Variants in PACS1 observed in about 807,000 individuals in gnomAD.
PACS1 encodes phosphofurin acidic cluster sorting protein 1.
A neutral mutation model predicts 115.0 loss-of-function variants in PACS1; 24 were observed. The observed-to-expected ratio is 0.21, with a 90% CI of 0.15 to 0.29. The LOEUF is 0.29. Among genes scored for constraint, PACS1 ranks in the 10% least tolerant of loss-of-function variants. PACS1 has a pLI of 1.00. For missense variants in PACS1, 838 were observed against 1,251.2 expected (o/e 0.67, Z 4.98); for synonymous variants, 453 against 504.5 (o/e 0.90, Z 1.37).
At chr11:66,155,249 G>A (rs754658206) in intron 1 of PACS1, among the ~76,000 whole-genome samples, 1 of 152,124 alleles carries the variant, frequency 6.6e-6, no homozygotes, top group South Asian at 2.1e-4. Context: ...GATACAAAAA[G>A]CACATACCAT....
At chr11:66,202,038 T>C (rs1854812163) in intron 2 of PACS1, among the ~76,000 whole-genome samples, 1 of 151,798 alleles carries the variant, frequency 6.6e-6, no homozygotes, top group Non-Finnish European at 1.5e-5. Flanking sequence ...CACAAATAAA[T>C]CAGAGATGAA....
intron 2 of PACS1, among the ~76,000 whole-genome samples, 158 bp downstream of exon 2, chr11:66,193,731 C>T (rs1854584514): frequency 6.6e-6 from 1 of 152,230 alleles, no homozygotes; most frequent in Non-Finnish European, 1.5e-5. Flanking sequence ...ACAGGACCTT[C>T]TGAGCCCAGC....
intron 1 of PACS1, among the ~76,000 whole-genome samples, chr11:66,118,078 C>G (rs752986279): frequency 6.6e-6 from 1 of 152,136 alleles, no homozygotes; most frequent in Non-Finnish European, 1.5e-5. Flanking sequence ...TCATTTTAAA[C>G]GTATGTTTGG....
intron 7 of PACS1, among the ~76,000 whole-genome samples, chr11:66,218,938 T>TG (rs1483647249): frequency 1.3e-5 from 2 of 150,854 alleles, no homozygotes; most frequent in Admixed American, 6.6e-5. Flanking sequence ...CACTTGACTA[T>TG]GGGGTGTGAA....
chr11:66,178,820 T>TG (rs1859937308), intron 1 of PACS1, among the ~76,000 whole-genome samples: 1 of 152,200 alleles, frequency 6.6e-6, no homozygotes, highest in Admixed American at 6.5e-5. Context: ...AACCTCACTA[T>TG]ACTTGAGAGA....
intron 1 of PACS1, among the ~76,000 whole-genome samples, chr11:66,080,616 G>A (rs1277140577): frequency 6.6e-6 from 1 of 152,212 alleles, no homozygotes; most frequent in Non-Finnish European, 1.5e-5. Flanking sequence ...AGACTACACA[G>A]TTTAAAAGTG....
At chr11:66,085,344 G>A (rs1857547800) in intron 1 of PACS1, among the ~76,000 whole-genome samples, 1 of 152,096 alleles carries the variant, frequency 6.6e-6, no homozygotes. Flanking sequence ...AAAGAGAACA[G>A]AAAAATAATG....
chr11:66,154,595 T>G (rs1859312816), intron 1 of PACS1, among the ~76,000 whole-genome samples: 2 of 152,146 alleles, frequency 1.3e-5, no homozygotes, highest in Admixed American at 1.3e-4. Context: ...AAAAAAAATT[T>G]TAAGTATAGT....
rs1855645600 is a variant in PACS1, at chr11:66,233,637, C to T, written c.1839-148C>T. 1 of 713,450 alleles carries T rather than the reference C, an allele frequency of 1.4e-6. No individual in the cohort carries two copies. The highest frequency in any genetic ancestry group is 1.8e-5 in the African/African-American group (1 of 55,710). The allele number at this position is 713,450 out of a possible 1,614,324, so 44.2% of individuals were successfully genotyped here. ...GGTTGTGAAAGCACTGTGGCTTATTCCCTGTATGATCCTCTCTGTTTTATT... is the reference window on the plus strand; with the variant it reads ...GGTTGTGAAAGCACTGTGGCTTATTTCCTGTATGATCCTCTCTGTTTTATT... On this transcript the variant is annotated intron_variant, in intron 15 of 23. Coordinates refer to ENST00000320580, the MANE Select transcript of PACS1 (RefSeq NM_018026.4). The surrounding 1 kb of genome is among the most constrained non-coding windows in gnomAD (Gnocchi z 4.5).
chr11:66,236,080 A>G lies in PACS1; in HGVS notation c.2250+140A>G. ...ATTTTGCCTCCAGGGACTACCTGGC[A>G]GTGTCTGGAGACGTGTTTGGTTGTT... On this transcript the variant is annotated intron_variant, in intron 19 of 23. Transcript: ENST00000320580. The surrounding 1 kb of genome is among the most constrained non-coding windows in gnomAD (Gnocchi z 4.2). 6 of 803,930 alleles carry G rather than the reference A, an allele frequency of 7.5e-6. No individual in the cohort carries two copies. The highest frequency in any genetic ancestry group is 1.3e-5 in the Non-Finnish European group (6 of 453,300). 49.8% of individuals were successfully genotyped at this position (803,930 alleles called of 1,614,324 possible).
At chr11:66,147,582 A>G (rs534477992) in intron 1 of PACS1, among the ~76,000 whole-genome samples, 1 of 152,374 alleles carries the variant, frequency 6.6e-6, no homozygotes, top group East Asian at 1.9e-4. Flanking sequence ...GTAGGTAAAC[A>G]TAAGAAATTT....
Position 66,211,208 on chromosome 11 carries a change from G to A in PACS1, c.609G>A (p.Arg203=), listed in dbSNP as rs1244208560. The A allele has an allele frequency of 1.2e-6, 2 of 1,613,650 alleles. No homozygotes were observed. Among genetic ancestry groups the A allele is most frequent in the East Asian group, 4.5e-5 (2 of 44,896 alleles). ...AAAGGAGAAAACGTTACAAGAATCG[G>A]ACCATCTTGGGCTATAAGACCTTGG... The part of the protein sequence containing the change: ...MLQRRKRYKN[R]TILGYKTLAV... Residue 203 remains arginine, a synonymous_variant, in exon 4 of 24, where the codon CGG becomes CGA. Coordinates refer to ENST00000320580, the MANE Select transcript of PACS1 (RefSeq NM_018026.4).
chr11:66,110,256 A>T (rs1858157355), intron 1 of PACS1, among the ~76,000 whole-genome samples: 1 of 152,134 alleles, frequency 6.6e-6, no homozygotes, highest in African/African-American at 2.4e-5. Flanking sequence ...ACCCTTTGAT[A>T]AACTACCAAC....
chr11:66,142,463 G>A (rs1272135436), intron 1 of PACS1, among the ~76,000 whole-genome samples: 3 of 151,630 alleles, frequency 2.0e-5, no homozygotes, highest in Middle Eastern at 3.2e-3. Context: ...TTGCCACCAC[G>A]CCCAGCTAAT....
intron 1 of PACS1, among the ~76,000 whole-genome samples, chr11:66,130,258 T>TC (rs1858670721): frequency 1.3e-5 from 2 of 151,898 alleles, no homozygotes; most frequent in Admixed American, 1.3e-4. Flanking sequence ...CATGTTGGCC[T>TC]CCTCCCTCCC....
At chr11:66,080,173 T>C (rs1179862910) in intron 1 of PACS1, among the ~76,000 whole-genome samples, 1 of 152,266 alleles carries the variant, frequency 6.6e-6, no homozygotes, top group African/African-American at 2.4e-5. Flanking sequence ...TTTTATAATG[T>C]TTATTGAATG....
rs561948 is a variant in PACS1, at chr11:66,230,427, A to G, written c.1375-121A>G. The G allele has an allele frequency of 0.99, 701,000 of 708,958 alleles. 346,967 individuals carry two copies. The highest frequency in any genetic ancestry group is 1 in the East Asian group (37,579 of 37,582). 43.9% of individuals were successfully genotyped at this position (708,958 alleles called of 1,614,324 possible). On this transcript the variant is annotated intron_variant, in intron 11 of 23. Coordinates refer to ENST00000320580, the MANE Select transcript of PACS1 (RefSeq NM_018026.4). Reference sequence around the variant, plus strand: ...AGGAGCTTTAGGACCACTTGCTTTCAGGAAAAGAAAATGAGTAACTCTCTC... The same window carrying G: ...AGGAGCTTTAGGACCACTTGCTTTCGGGAAAAGAAAATGAGTAACTCTCTC...
intron 21 of PACS1, among the ~76,000 whole-genome samples, chr11:66,240,782 C>CTTTTTTTTTTTTT (rs1855795612): frequency 6.6e-6 from 1 of 151,756 alleles, no homozygotes; most frequent in African/African-American, 2.4e-5. Context: ...CCAAGTTAAT[C>CTTTTTTTTTTTTT]TTGTTTTTTA....
chr11:66,155,595 G>C (rs1451375239), intron 1 of PACS1, among the ~76,000 whole-genome samples: 4 of 152,174 alleles, frequency 2.6e-5, no homozygotes, highest in Non-Finnish European at 5.9e-5. Flanking sequence ...GATAGCTCCA[G>C]GTGTTGGCAA....
Sources: allele counts gnomAD v4.1 joint callset (sites outside exome capture counted in the v4.1 genomes callset), GRCh38; gene constraint gnomAD v4.1.1; non-coding constraint Gnocchi (gnomAD v3.1); transcripts MANE v1.5; gene names NCBI Gene and HGNC (gene_info 2026-07-23, HGNC 2026-07-21).